The following PKP4 variants were observed in gnomAD, a reference collection of about 807,000 sequenced individuals.
PKP4 encodes the protein plakophilin-4.
Under a neutral mutation model 145.1 loss-of-function variants are expected in PKP4, and 90 were observed. The ratio of observed to expected loss-of-function variants is 0.62; its 90% confidence interval spans 0.52 to 0.74. PKP4 has a LOEUF of 0.74. Ranked by LOEUF, PKP4 falls within the 30% of genes least tolerant of loss-of-function variation. The pLI, the probability that PKP4 is intolerant of heterozygous loss-of-function variation, is 0.00. For synonymous variants in PKP4, 563 were observed against 577.2 expected, an observed-to-expected ratio of 0.98 and a Z score of 0.35; for missense variants, 1,340 against 1,482.7, an observed-to-expected ratio of 0.90 and a Z score of 1.58.
chr2:158,640,521 C>A, intron 9 of PKP4, 106 bp from the exon 10 acceptor site: 1 of 1,218,782 alleles, frequency 8.2e-7, no homozygotes, highest in South Asian at 1.5e-5. Flanking sequence ...TTTGTAACTT[C>A]CCATTTTTGT....
At chr2:158,599,843 A>G (rs1314948706) in intron 3 of PKP4, among the ~76,000 whole-genome samples, 1 of 152,140 alleles carries the variant, frequency 6.6e-6, no homozygotes, top group Non-Finnish European at 1.5e-5. Context: ...CTTCTTGTGA[A>G]CTTCACTCAC....
At chr2:158,576,165 C>G (rs1200324278) in intron 2 of PKP4, among the ~76,000 whole-genome samples, 1 of 152,160 alleles carries the variant, frequency 6.6e-6, no homozygotes, top group Non-Finnish European at 1.5e-5. Flanking sequence ...TTTGCAGAGC[C>G]AGTACTGTCA....
At chr2:158,541,269 G>T (rs2044502931) in intron 2 of PKP4, among the ~76,000 whole-genome samples, 1 of 152,200 alleles carries the variant, frequency 6.6e-6, no homozygotes, top group Admixed American at 6.5e-5. Context: ...TTGCAAAAAT[G>T]TGTCCATATG....
In PKP4 at chr2:158,534,525, A is replaced by G. The variant is rs145794498; in HGVS notation, c.132+1209A>G. 2.1e-4 allele frequency among the ~76,000 whole-genome samples: 32 copies of G among 152,242 alleles called. 2 individuals are homozygous for G. In the East Asian group the frequency reaches 6.2e-3, roughly 29 times the overall value. ...TGTTATCTTTAGGAGAGAAAAAAGG[A>G]CTCTTCGATAGCACTTCATAGTTGT... On this transcript the variant is annotated intron_variant, in intron 2 of 21. Coordinates refer to ENST00000389759, the MANE Select transcript of PKP4 (RefSeq NM_003628.6).
intron 2 of PKP4, among the ~76,000 whole-genome samples, chr2:158,547,632 G>A (rs1035470022): frequency 1.3e-5 from 2 of 152,168 alleles, no homozygotes; most frequent in African/African-American, 2.4e-5. Context: ...CTAACGCTGT[G>A]CCTTTAAAAT....
intron 2 of PKP4, among the ~76,000 whole-genome samples, chr2:158,571,703 A>G (rs899256924): frequency 6.6e-6 from 1 of 152,196 alleles, no homozygotes; most frequent in Non-Finnish European, 1.5e-5. Context: ...CACAGGGCAC[A>G]GTTGGAAAGG....
chr2:158,499,607 TTGTG>T (rs1334807756), intron 1 of PKP4, among the ~76,000 whole-genome samples: 2 of 152,150 alleles, frequency 1.3e-5, no homozygotes, highest in African/African-American at 4.8e-5. Flanking sequence ...GAACACATAT[TTGTG>T]TGAGTGGCCA....
intron 2 of PKP4, among the ~76,000 whole-genome samples, chr2:158,539,562 A>G (rs901011826): frequency 2.1e-4 from 32 of 152,188 alleles, no homozygotes; most frequent in African/African-American, 7.7e-4. Flanking sequence ...CAATGCCTGA[A>G]ACTTCTGATT....
intron 1 of PKP4, among the ~76,000 whole-genome samples, chr2:158,523,314 TCCCTGAC>T (rs1391825576): frequency 1.6e-5 from 2 of 126,532 alleles, no homozygotes; most frequent in East Asian, 2.3e-4. Flanking sequence ...CTCAAGTGGG[TCCCTGAC>T]CCCTGACCCC....
chr2:158,643,729 G>GAAAA (rs371078811), intron 11 of PKP4, among the ~76,000 whole-genome samples: 1 of 136,098 alleles, frequency 7.3e-6, no homozygotes, highest in Non-Finnish European at 1.6e-5. Flanking sequence ...AAAAAAAAAA[G>GAAAA]AAAAGAAAAC....
intron 4 of PKP4, among the ~76,000 whole-genome samples, chr2:158,616,094 A>G (rs190995242): frequency 6.6e-6 from 1 of 152,306 alleles, no homozygotes; most frequent in East Asian, 1.9e-4. Context: ...AGTATGTGTA[A>G]TATTCTTAAA....
At chr2:158,480,300 G>A (rs760743867) in intron 1 of PKP4, among the ~76,000 whole-genome samples, 13 of 152,080 alleles carry the variant, frequency 8.5e-5, no homozygotes, top group Non-Finnish European at 1.0e-4. Context: ...GCAATAGTGC[G>A]ATCTCGGCTC....
chr2:158,525,669 C>G (rs190770549), intron 1 of PKP4, among the ~76,000 whole-genome samples: 6,004 of 126,338 alleles, frequency 0.048, 331 homozygotes, highest in African/African-American at 0.13. Flanking sequence ...CACAGAAAAC[C>G]CTTCAAAAAA....
intron 4 of PKP4, among the ~76,000 whole-genome samples, chr2:158,611,626 G>A (rs1276102019): frequency 2.0e-5 from 3 of 152,146 alleles, no homozygotes; most frequent in Non-Finnish European, 4.4e-5. Context: ...TTATGCCTCA[G>A]TAGAAATGTA....
chr2:158,578,320 G>A (rs979394950), intron 3 of PKP4: 1 of 166,096 alleles, frequency 6.0e-6, no homozygotes, highest in African/African-American at 2.4e-5. Flanking sequence ...ATATTGATAT[G>A]TTTGGTAAGG....
chr2:158,462,914 C>T (rs758687914), intron 1 of PKP4, among the ~76,000 whole-genome samples: 3 of 152,086 alleles, frequency 2.0e-5, no homozygotes, highest in African/African-American at 4.8e-5. Flanking sequence ...TCAGAGCCAG[C>T]GCTTAATACA....
At position 158,651,745 on chromosome 2, in the gene PKP4, G is replaced by A. The variant is rs73969026; in HGVS notation, c.1910-6386G>A. ...GTCTCGAGTGAGTGTGAGCTTTGGAGCCAGGTTGACTTGTTTCCTTCCAGC... is the reference window on the plus strand; with the variant it reads ...GTCTCGAGTGAGTGTGAGCTTTGGAACCAGGTTGACTTGTTTCCTTCCAGC... On this transcript the variant is annotated intron_variant, in intron 11 of 21. Coordinates refer to ENST00000389759, the MANE Select transcript of PKP4 (RefSeq NM_003628.6). Among the ~76,000 whole-genome samples, 419 of 152,052 alleles carry A rather than the reference G, an allele frequency of 2.8e-3. 2 individuals carry two copies. Among genetic ancestry groups the A allele is most frequent in the African/African-American group, 9.5e-3 (392 of 41,466 alleles).
intron 1 of PKP4, among the ~76,000 whole-genome samples, chr2:158,476,984 A>G (rs1215973904): frequency 6.6e-6 from 1 of 152,212 alleles, no homozygotes; most frequent in Non-Finnish European, 1.5e-5. Context: ...TTTACAAAGA[A>G]TTATATTCTT....
At chr2:158,551,865 A>G (rs1193822002) in intron 2 of PKP4, among the ~76,000 whole-genome samples, 1 of 152,246 alleles carries the variant, frequency 6.6e-6, no homozygotes, top group Non-Finnish European at 1.5e-5. Flanking sequence ...TGAAACAACT[A>G]TAACTTTTTT....
Sources: allele counts gnomAD v4.1 joint callset (sites outside exome capture counted in the v4.1 genomes callset), GRCh38; gene constraint gnomAD v4.1.1; transcripts MANE v1.5; gene names NCBI Gene and HGNC (gene_info 2026-07-23, HGNC 2026-07-21).